KIAA1217: variants seen among roughly 807,000 people sequenced by gnomAD.
The protein encoded by KIAA1217 is sickle tail protein homolog.
A neutral mutation model predicts 163.9 loss-of-function variants in KIAA1217; 88 were observed. That is an observed-to-expected ratio of 0.54 (90% CI 0.45 to 0.64). The LOEUF is 0.64. KIAA1217 is among the 30% of genes least tolerant of loss of function. The pLI is 0.00. For synonymous variants in KIAA1217, 903 were observed against 923.1 expected (o/e 0.98, Z 0.39); for missense variants, 2,372 against 2,475.0 (o/e 0.96, Z 0.88).
chr10:24,429,164 T>G (rs2059395577), intron 3 of KIAA1217, among the ~76,000 whole-genome samples: 1 of 152,174 alleles, frequency 6.6e-6, no homozygotes, highest in Non-Finnish European at 1.5e-5. Context: ...CTCCATTATC[T>G]TTTGGTTTCT....
At chr10:24,171,794 GTAAA>G (rs748140462) in intron 2 of KIAA1217, among the ~76,000 whole-genome samples, 6 of 151,386 alleles carry the variant, frequency 4.0e-5, no homozygotes, top group South Asian at 2.1e-4. Flanking sequence ...TCTCAAAAAA[GTAAA>G]TAAATAAATA....
intron 2 of KIAA1217, among the ~76,000 whole-genome samples, chr10:24,169,839 A>G (rs1425136607): frequency 1.3e-5 from 2 of 152,190 alleles, no homozygotes; most frequent in African/African-American, 4.8e-5. Flanking sequence ...AATTTATAGG[A>G]CATAAAGTAT....
chr10:24,128,540 A>G (rs1169312387), intron 2 of KIAA1217, among the ~76,000 whole-genome samples: 1 of 152,206 alleles, frequency 6.6e-6, no homozygotes, highest in Non-Finnish European at 1.5e-5. Context: ...GCTGATGCAC[A>G]CGACCTATTG....
At chr10:24,102,434 A>G (rs987503111) in intron 2 of KIAA1217, among the ~76,000 whole-genome samples, 7 of 152,232 alleles carry the variant, frequency 4.6e-5, no homozygotes, top group Admixed American at 6.5e-5. Flanking sequence ...GTGGATAGAA[A>G]GATTGAATAT....
At chr10:24,175,987 C>T (rs1248881573) in intron 2 of KIAA1217, among the ~76,000 whole-genome samples, 1 of 152,184 alleles carries the variant, frequency 6.6e-6, no homozygotes, top group Non-Finnish European at 1.5e-5. Context: ...ATCTTCCACA[C>T]TGTGGAAGGG....
At chr10:24,137,804 A>T (rs1263010411) in intron 2 of KIAA1217, among the ~76,000 whole-genome samples, 2 of 152,184 alleles carry the variant, frequency 1.3e-5, no homozygotes, top group Non-Finnish European at 2.9e-5. Flanking sequence ...TATTAAGCTG[A>T]TGTCATGACA....
At chr10:23,838,738 G>C (rs1048505650) in intron 1 of KIAA1217, among the ~76,000 whole-genome samples, 2 of 152,170 alleles carry the variant, frequency 1.3e-5, no homozygotes, top group Non-Finnish European at 2.9e-5. Context: ...TGGGATAACA[G>C]GCGTGAACCA....
intron 1 of KIAA1217, among the ~76,000 whole-genome samples, chr10:23,736,827 A>G (rs1838834902): frequency 6.6e-6 from 1 of 152,154 alleles, no homozygotes; most frequent in Non-Finnish European, 1.5e-5. Context: ...CACCCGGCCT[A>G]TAATAAGTTT....
rs58161228 is a variant in KIAA1217, at chr10:24,422,901, C to CT, written c.554-10073dup. Among the ~76,000 whole-genome samples, 847 of 120,576 alleles carry CT rather than the reference C, an allele frequency of 7.0e-3. 14 individuals carry two copies. The highest frequency in any genetic ancestry group is 0.011 in the South Asian group (45 of 4,016). The allele number at this position is 120,576 out of a possible 152,430, so 79.1% of individuals were successfully genotyped here. A position where few individuals can be genotyped will look rare whatever the true frequency, so the allele number is the denominator to read the frequency against. On this transcript the variant is annotated intron_variant, in intron 3 of 20. Transcript: ENST00000376454. Reference sequence around the variant, plus strand: ...CTCATATTACTTCCTATAGATTTAACTTTTTTTTTTTTTTTTTTTTTGAGA... The same window carrying CT: ...CTCATATTACTTCCTATAGATTTAACTTTTTTTTTTTTTTTTTTTTTTGAGA...
intron 1 of KIAA1217, among the ~76,000 whole-genome samples, chr10:23,986,574 T>A (rs1174934839): frequency 6.6e-6 from 1 of 152,214 alleles, no homozygotes; most frequent in Non-Finnish European, 1.5e-5. Flanking sequence ...TGTACTGCTA[T>A]TTTTTGTTGT....
chr10:24,019,716 C>G lies in KIAA1217; in HGVS notation c.-171+12342C>G, dbSNP rs12251814. Among the ~76,000 whole-genome samples the G allele has an allele frequency of 8.0e-3, 1,215 of 152,028 alleles. 15 individuals carry two copies. The highest frequency in any genetic ancestry group is 0.028 in the African/African-American group (1,147 of 41,500). On this transcript the variant is annotated intron_variant, in intron 2 of 18. Coordinates refer to the KIAA1217 transcript ENST00000376462. ...ATTTTATTTCTACAATGGCAGCACA[C>G]TACATTTGGCCCTTGGATGATAGTT...
Position 24,521,940 on chromosome 10 carries a change from C to G in KIAA1217, c.2456+11C>G. On this transcript the variant is annotated intron_variant, in intron 12 of 20. Transcript: ENST00000376454. ...GACCATGCTGCGGAGGTGACCGGGC[C>G]CTCATCGTGCTGGGGGTGGCCTGCG... 1 of 1,599,850 alleles carries G rather than the reference C, an allele frequency of 6.3e-7. No individual in the cohort carries two copies. The highest frequency in any genetic ancestry group is 8.5e-7 in the Non-Finnish European group (1 of 1,171,944).
chr10:23,855,229 G>A (rs1430429163), intron 1 of KIAA1217, among the ~76,000 whole-genome samples: 1 of 152,092 alleles, frequency 6.6e-6, no homozygotes, highest in Non-Finnish European at 1.5e-5. Context: ...AAATCTCTCA[G>A]CATTTGCTTG....
intron 5 of KIAA1217, among the ~76,000 whole-genome samples, chr10:24,458,799 A>T (rs775503436): frequency 2.6e-5 from 4 of 152,190 alleles, no homozygotes; most frequent in Non-Finnish European, 4.4e-5. Context: ...TTTAATTGAC[A>T]ATATTTATAA....
Position 24,474,244 on chromosome 10 carries a change from T to C in KIAA1217, c.1679+184T>C, listed in dbSNP as rs146977151. On this transcript the variant is annotated intron_variant, in intron 6 of 20. Coordinates refer to ENST00000376454, the MANE Select transcript of KIAA1217 (RefSeq NM_019590.5). ...CATTGTCTGCAAATAGTTTCTAAATTGGCAGGGGTTACAGTCATTAAGCCA... is the reference window on the plus strand; with the variant it reads ...CATTGTCTGCAAATAGTTTCTAAATCGGCAGGGGTTACAGTCATTAAGCCA... Among the ~76,000 whole-genome samples the C allele has an allele frequency of 1.4e-3, 210 of 152,160 alleles. 1 individual carries two copies. The highest frequency in any genetic ancestry group is 4.8e-3 in the African/African-American group (201 of 41,514).
chr10:23,752,423 T>C (rs1839787373), intron 1 of KIAA1217, among the ~76,000 whole-genome samples: 1 of 152,192 alleles, frequency 6.6e-6, no homozygotes, highest in Non-Finnish European at 1.5e-5. Context: ...ATTTTATTGC[T>C]TCAAATTATG....
chr10:23,770,710 G>A (rs917427798), intron 1 of KIAA1217, among the ~76,000 whole-genome samples: 2 of 152,104 alleles, frequency 1.3e-5, no homozygotes, highest in African/African-American at 2.4e-5. Flanking sequence ...TATGATGCAC[G>A]GATCTTCCTA....
intron 1 of KIAA1217, among the ~76,000 whole-genome samples, chr10:23,891,356 A>C (rs1254040094): frequency 6.6e-6 from 1 of 151,914 alleles, no homozygotes. Context: ...CTGGTTGCCC[A>C]GGCTGGAATT....
chr10:23,717,177 C>T (rs1176441228), intron 1 of KIAA1217, among the ~76,000 whole-genome samples: 1 of 152,090 alleles, frequency 6.6e-6, no homozygotes, highest in Non-Finnish European at 1.5e-5. Context: ...CTCTAGGTTT[C>T]CGTGAACTTA....
Sources: allele counts gnomAD v4.1 joint callset (sites outside exome capture counted in the v4.1 genomes callset), GRCh38; gene constraint gnomAD v4.1.1; transcripts MANE v1.5; gene names NCBI Gene and HGNC (gene_info 2026-07-23, HGNC 2026-07-21).